The following GRID1 variants were observed in gnomAD, a reference collection of about 807,000 sequenced individuals.
The protein encoded by GRID1 is glutamate ionotropic receptor delta type subunit 1, also known as glutamate receptor ionotropic, delta-1.
GRID1 carries 28 observed loss-of-function variants against 98.0 expected under a neutral mutation model. The observed-to-expected ratio is 0.29, with a 90% confidence interval of 0.21 to 0.39. The LOEUF (loss-of-function observed/expected upper bound fraction) is 0.39, where lower values mean the gene tolerates loss of function less well. Ranked by LOEUF, GRID1 falls within the 10% of genes least tolerant of loss-of-function variation. The probability of loss-of-function intolerance (pLI) is 1.00; values close to 1 mark genes in which losing one functional copy is unlikely to be tolerated. For missense variants in GRID1, 1,111 were observed against 1,340.5 expected (o/e 0.83, Z 2.67); for synonymous variants, 553 against 538.5 (o/e 1.03, Z -0.37).
chr10:86,216,397 G>A (rs1846177613), intron 2 of GRID1, among the ~76,000 whole-genome samples: 2 of 152,218 alleles, frequency 1.3e-5, no homozygotes, highest in South Asian at 4.1e-4. Flanking sequence ...CAAGGTAAAC[G>A]AGTAAGTCAG....
Position 85,705,329 on chromosome 10 carries a change from C to T in GRID1, c.1997+17674G>A, listed in dbSNP as rs377342325. Among the ~76,000 whole-genome samples the T allele has an allele frequency of 5.2e-4, 79 of 152,252 alleles. No individual in the cohort carries two copies. In the East Asian group the frequency reaches 0.015, roughly 29 times the overall value. ...CTACCATCAGAGAATACTATAAACA[C>T]CTCTACACAAATAAACTAGAAAATC... On this transcript the variant is annotated intron_variant, in intron 12 of 15. Coordinates refer to ENST00000327946, the MANE Select transcript of GRID1 (RefSeq NM_017551.3).
chr10:86,271,027 C>T (rs1450066609), intron 2 of GRID1, among the ~76,000 whole-genome samples: 2 of 152,098 alleles, frequency 1.3e-5, no homozygotes, highest in Admixed American at 1.3e-4. Flanking sequence ...GGACAGAGTA[C>T]CAGAGAAGAG....
At chr10:85,834,598 C>T (rs1218015139) in intron 8 of GRID1, among the ~76,000 whole-genome samples, 1 of 152,108 alleles carries the variant, frequency 6.6e-6, no homozygotes. Context: ...GAAACTATAA[C>T]ACCATTTGAT....
At chr10:85,981,459 G>A (rs1842543609) in intron 4 of GRID1, among the ~76,000 whole-genome samples, 1 of 152,110 alleles carries the variant, frequency 6.6e-6, no homozygotes, top group South Asian at 2.1e-4. Context: ...ATGCCTACTT[G>A]GCTTTTGATG....
At chr10:85,713,551 A>T (rs1841604454) in intron 12 of GRID1, among the ~76,000 whole-genome samples, 1 of 151,788 alleles carries the variant, frequency 6.6e-6, no homozygotes, top group Admixed American at 6.6e-5. Context: ...AAGAAAAGAA[A>T]ACTACAGGCT....
chr10:86,193,524 ACC>A (rs753604960), intron 3 of GRID1, among the ~76,000 whole-genome samples: 7,213 of 152,074 alleles, frequency 0.047, 256 homozygotes, highest in South Asian at 0.078. Context: ...TTGTGGGCAC[ACC>A]AGAGCTAAGA....
chr10:85,902,358 A>G (rs551327609), intron 5 of GRID1, among the ~76,000 whole-genome samples: 1 of 152,372 alleles, frequency 6.6e-6, no homozygotes, highest in African/African-American at 2.4e-5. Context: ...GCAGAAGAGC[A>G]TGCGATTGAA....
intron 4 of GRID1, among the ~76,000 whole-genome samples, chr10:86,004,555 G>T (rs1163021672): frequency 6.6e-6 from 1 of 152,150 alleles, no homozygotes; most frequent in African/African-American, 2.4e-5. Flanking sequence ...CAGAAGGCTG[G>T]CCTCTCCCAA....
chr10:85,946,180 T>C (rs1157987027), intron 4 of GRID1, among the ~76,000 whole-genome samples: 1 of 152,216 alleles, frequency 6.6e-6, no homozygotes, highest in Non-Finnish European at 1.5e-5. Context: ...CTCTGGGTAG[T>C]ACAAAAGATT....
intron 12 of GRID1, among the ~76,000 whole-genome samples, chr10:85,678,354 C>T (rs1211252574): frequency 1.3e-5 from 2 of 152,322 alleles, no homozygotes; most frequent in East Asian, 3.9e-4. Context: ...TCCCTAATCT[C>T]TCCTCCACCG....
chr10:85,868,190 A>C (rs191193960), intron 6 of GRID1, among the ~76,000 whole-genome samples: 107 of 152,344 alleles, frequency 7.0e-4, no homozygotes, highest in African/African-American at 2.5e-3. Flanking sequence ...AATTTCCACA[A>C]ACCCAAGTGG....
In GRID1 at chr10:85,800,388, G is replaced by T. The variant is rs73330532; in HGVS notation, c.1233+54108C>A. Among the ~76,000 whole-genome samples, 802 of 151,994 alleles carry T rather than the reference G, an allele frequency of 5.3e-3. 6 individuals carry two copies. Among genetic ancestry groups the T allele is most frequent in the African/African-American group, 0.018 (755 of 41,506 alleles). On this transcript the variant is annotated intron_variant, in intron 8 of 15. Transcript: ENST00000327946. ...AGAACAAACTATGTTCTTAACCAAA[G>T]GTTACAAGATAGAAACAAAAACATA... is the stretch of plus-strand genomic sequence containing the variant.
chr10:86,323,893 T>C (rs933618885), intron 2 of GRID1, among the ~76,000 whole-genome samples: 6 of 152,196 alleles, frequency 3.9e-5, no homozygotes, highest in Non-Finnish European at 5.9e-5. Context: ...TAAAACTTTA[T>C]TGAGGCCCAG....
intron 4 of GRID1, among the ~76,000 whole-genome samples, chr10:85,949,821 T>C (rs1056497664): frequency 1.4e-4 from 21 of 152,246 alleles, no homozygotes; most frequent in Non-Finnish European, 4.4e-5. Flanking sequence ...TCCCCTGATA[T>C]CTATGTGTTT....
At chr10:85,626,079 A>G (rs1590164952) in intron 13 of GRID1, among the ~76,000 whole-genome samples, 1 of 152,366 alleles carries the variant, frequency 6.6e-6, no homozygotes, top group South Asian at 2.1e-4. Context: ...GAAAGGAAGC[A>G]CAGAAGGAAG....
At chr10:85,932,595 C>T (rs185540633) in intron 4 of GRID1, among the ~76,000 whole-genome samples, 4 of 152,304 alleles carry the variant, frequency 2.6e-5, no homozygotes, top group African/African-American at 9.6e-5. Flanking sequence ...TGTAGATTTG[C>T]AACACTTTAA....
chr10:86,223,400 C>G (rs1379111553), intron 2 of GRID1, among the ~76,000 whole-genome samples: 2 of 152,236 alleles, frequency 1.3e-5, no homozygotes, highest in East Asian at 1.9e-4. Context: ...GCTGGGGGCT[C>G]GGCCCCTCCA....
intron 4 of GRID1, among the ~76,000 whole-genome samples, chr10:85,981,403 CTG>C (rs1452064731): frequency 6.6e-6 from 1 of 152,228 alleles, no homozygotes; most frequent in Non-Finnish European, 1.5e-5. Flanking sequence ...AGAAGGGAAT[CTG>C]GAAGCAGCTG....
chr10:85,934,141 G>A (rs1489302823), intron 4 of GRID1, among the ~76,000 whole-genome samples: 3 of 152,100 alleles, frequency 2.0e-5, no homozygotes, highest in Non-Finnish European at 4.4e-5. Context: ...CTGTGGATGG[G>A]CAAGCTGTCT....
Sources: gnomAD v4.1 joint callset for allele counts (sites outside exome capture counted in the v4.1 genomes callset) on GRCh38, gnomAD v4.1.1 for gene constraint, MANE v1.5 for transcripts, NCBI Gene and HGNC (gene_info 2026-07-23, HGNC 2026-07-21) for gene names.